The following STK38L variants were observed in gnomAD, a reference collection of about 807,000 sequenced individuals.
The protein encoded by STK38L is serine/threonine kinase 38 like, also known as serine/threonine-protein kinase 38-like.
STK38L carries 28 observed loss-of-function variants against 59.7 expected under a neutral mutation model. The observed-to-expected ratio is 0.47, with a 90% CI of 0.35 to 0.64. The LOEUF is 0.64. STK38L is among the 30% of genes least tolerant of loss of function. The pLI, the probability that STK38L is intolerant of heterozygous loss-of-function variation, is 0.01. For synonymous variants in STK38L, 162 were observed against 176.8 expected (o/e 0.92, Z 0.66); for missense variants, 314 against 555.8 (o/e 0.56, Z 4.37).
intron 3 of STK38L, among the ~76,000 whole-genome samples, chr12:27,303,241 G>A (rs996484097): frequency 4.0e-5 from 6 of 151,846 alleles, no homozygotes; most frequent in African/African-American, 1.5e-4. Context: ...AGCTGGGCAT[G>A]GTGGTACGTG....
intron 1 of STK38L, among the ~76,000 whole-genome samples, chr12:27,255,222 T>G (rs778397115): frequency 2.0e-5 from 3 of 152,148 alleles, no homozygotes; most frequent in Non-Finnish European, 2.9e-5. Context: ...TGTTTGAATT[T>G]TTACCGTAGT....
At chr12:27,261,074 T>C (rs892416168) in intron 1 of STK38L, among the ~76,000 whole-genome samples, 2 of 152,238 alleles carry the variant, frequency 1.3e-5, no homozygotes, top group African/African-American at 2.4e-5. Flanking sequence ...GAAAATTCCA[T>C]GGTAAATTGC....
chr12:27,309,915 G>A (rs1461598014), intron 5 of STK38L, among the ~76,000 whole-genome samples: 2 of 152,162 alleles, frequency 1.3e-5, no homozygotes, highest in Admixed American at 1.3e-4. Context: ...TAAATATTCT[G>A]GGCTCTCTGC....
chr12:27,321,827 C>T (rs909624248), intron 12 of STK38L, among the ~76,000 whole-genome samples: 2 of 152,108 alleles, frequency 1.3e-5, no homozygotes, highest in African/African-American at 4.8e-5. Context: ...GGAATGGACA[C>T]CCCATTCTGC....
chr12:27,275,563 C>T (rs1943517038), intron 1 of STK38L, among the ~76,000 whole-genome samples: 1 of 151,672 alleles, frequency 6.6e-6, no homozygotes, highest in African/African-American at 2.4e-5. Context: ...GGCCCTGAAC[C>T]CCTGACCTCA....
Position 27,322,640 on chromosome 12 carries a change from CTCTT to C in STK38L, c.*187_*190del. 1 of 606,148 alleles carries C rather than the reference CTCTT, an allele frequency of 1.6e-6. No homozygotes were observed. The highest frequency in any genetic ancestry group is 2.5e-6 in the Non-Finnish European group (1 of 401,332). The allele number at this position is 606,148 out of a possible 1,614,324, so 37.5% of individuals were successfully genotyped here. On this transcript the variant is annotated 3_prime_UTR_variant, in exon 14 of 14. Coordinates refer to ENST00000389032, the MANE Select transcript of STK38L (RefSeq NM_015000.4). ...GGAATTGGTTGGCAGTGCCAGCTGG[CTCTT>C]TTTTTTAATATTTTATTATTTTTGT... is the stretch of plus-strand genomic sequence containing the variant.
At chr12:27,245,186 A>G (rs529713455) in intron 1 of STK38L, among the ~76,000 whole-genome samples, 1 of 152,318 alleles carries the variant, frequency 6.6e-6, no homozygotes, top group East Asian at 1.9e-4. Context: ...GGGGAGGGCT[A>G]GTGGCTCTGG....
At chr12:27,285,149 T>C (rs1943744577) in intron 1 of STK38L, among the ~76,000 whole-genome samples, 2 of 152,256 alleles carry the variant, frequency 1.3e-5, no homozygotes, top group South Asian at 4.1e-4. Context: ...AAAGGACTGC[T>C]GCTTCTGGCT....
chr12:27,316,495 C>T (rs1311574841), intron 9 of STK38L, among the ~76,000 whole-genome samples: 4 of 151,910 alleles, frequency 2.6e-5, no homozygotes, highest in African/African-American at 9.7e-5. Context: ...CGAGTGTTTC[C>T]CAAGGGAGAA....
chr12:27,310,690 G>A (rs1944433373), intron 5 of STK38L, among the ~76,000 whole-genome samples: 1 of 152,128 alleles, frequency 6.6e-6, no homozygotes, highest in Non-Finnish European at 1.5e-5. Context: ...GTGGCTTCTA[G>A]AAAATTTAAA....
chr12:27,268,357 G>C (rs960547150), intron 1 of STK38L, among the ~76,000 whole-genome samples: 3 of 151,988 alleles, frequency 2.0e-5, no homozygotes, highest in African/African-American at 4.8e-5. Context: ...CTATGAGTGA[G>C]AACATGTGGT....
intron 1 of STK38L, among the ~76,000 whole-genome samples, chr12:27,270,563 A>G (rs1943401818): frequency 6.6e-6 from 1 of 152,030 alleles, no homozygotes; most frequent in African/African-American, 2.4e-5. Context: ...TTTTTAGTAG[A>G]GATGGGGTTT....
intron 1 of STK38L, among the ~76,000 whole-genome samples, chr12:27,261,107 A>G (rs1943195774): frequency 6.6e-6 from 1 of 152,146 alleles, no homozygotes; most frequent in Admixed American, 6.6e-5. Flanking sequence ...CAGTACTTCC[A>G]TTTATCATCG....
chr12:27,258,372 T>A (rs746965508), intron 1 of STK38L, among the ~76,000 whole-genome samples: 1 of 152,124 alleles, frequency 6.6e-6, no homozygotes, highest in Non-Finnish European at 1.5e-5. Flanking sequence ...TCACCCAGGC[T>A]AGAGTGCAGT....
chr12:27,304,065 C>T (rs1591921477), intron 3 of STK38L, among the ~76,000 whole-genome samples: 1 of 151,898 alleles, frequency 6.6e-6, no homozygotes, highest in Non-Finnish European at 1.5e-5. Flanking sequence ...AGTTCAAGAT[C>T]AGCCTGGGAA....
intron 9 of STK38L, among the ~76,000 whole-genome samples, chr12:27,317,053 C>T (rs550578491): frequency 6.6e-6 from 1 of 152,172 alleles, no homozygotes; most frequent in South Asian, 2.1e-4. Context: ...TTATAAAATG[C>T]CTGGCACATA....
At chr12:27,264,442 C>G (rs3863359) in intron 1 of STK38L, among the ~76,000 whole-genome samples, 60,024 of 151,896 alleles carry the variant, frequency 0.4, 12,035 homozygotes, top group Admixed American at 0.47. Flanking sequence ...GCCTGCTTGC[C>G]ATGGACAGCA....
chr12:27,270,950 A>G (rs1162246774), intron 1 of STK38L, among the ~76,000 whole-genome samples: 1 of 152,190 alleles, frequency 6.6e-6, no homozygotes, highest in Non-Finnish European at 1.5e-5. Flanking sequence ...ATTTTTCCAC[A>G]TATTGGAGGA....
In STK38L at chr12:27,309,249, T is replaced by G. The variant is rs748629570; in HGVS notation, c.393+52T>G. 1.8e-5 allele frequency: 24 copies of G among 1,329,746 alleles called. No individual in the cohort carries two copies. In the East Asian group the frequency reaches 5.9e-4, roughly 32 times the overall value. The allele number at this position is 1,329,746 out of a possible 1,614,324, so 82.4% of individuals were successfully genotyped here. A position where few individuals can be genotyped will look rare whatever the true frequency, so the allele number is the denominator to read the frequency against. ...TAAAGGAGCATCCACTGACGCAGTG[T>G]TAAGAGTGTTTATATTAGAATTTTT... On this transcript the variant is annotated intron_variant, in intron 5 of 13. Transcript: ENST00000389032.
Sources: allele counts gnomAD v4.1 joint callset (sites outside exome capture counted in the v4.1 genomes callset), GRCh38; gene constraint gnomAD v4.1.1; transcripts MANE v1.5; gene names NCBI Gene and HGNC (gene_info 2026-07-23, HGNC 2026-07-21).